PCDH15: variants seen among roughly 807,000 people sequenced by gnomAD.
PCDH15 encodes the protein protocadherin related 15.
Under a neutral mutation model 178.5 loss-of-function variants are expected in PCDH15, and 129 were observed. The ratio of observed to expected loss-of-function variants is 0.72; its 90% CI spans 0.63 to 0.84. The LOEUF is 0.84. Ranked by LOEUF, PCDH15 falls within the 40% of genes least tolerant of loss-of-function variation. The pLI is 0.00. For missense variants in PCDH15, 2,230 were observed against 2,099.9 expected, an observed-to-expected ratio of 1.06 and a Z score of -1.21; for synonymous variants, 800 against 732.0, an observed-to-expected ratio of 1.09 and a Z score of -1.50.
At chr10:55,470,472 T>C (rs1839932770) in intron 2 of PCDH15, among the ~76,000 whole-genome samples, 1 of 152,240 alleles carries the variant, frequency 6.6e-6, no homozygotes, top group Non-Finnish European at 1.5e-5. Flanking sequence ...TTTAAGTAAT[T>C]TATTATCATG....
intron 20 of PCDH15, among the ~76,000 whole-genome samples, chr10:54,011,614 G>A (rs1440618738): frequency 6.6e-6 from 1 of 152,194 alleles, no homozygotes; most frequent in Non-Finnish European, 1.5e-5. Context: ...GACTGACGAA[G>A]AGTCTACCTA....
chr10:54,303,969 A>AAACATGAAACATTTTTAAGAAAAATG (rs1264625686), intron 8 of PCDH15, among the ~76,000 whole-genome samples: 5 of 152,248 alleles, frequency 3.3e-5, no homozygotes, highest in African/African-American at 1.2e-4. Context: ...ATTTTTTAAG[A>AAACATGAAACATTTTTAAGAAAAATG]AACAAGTGCT....
chr10:55,035,321 G>A (rs903382970), intron 2 of PCDH15, among the ~76,000 whole-genome samples: 4 of 152,172 alleles, frequency 2.6e-5, no homozygotes, highest in Admixed American at 6.5e-5. Flanking sequence ...CCATTACCCT[G>A]TCCCAAATAA....
At chr10:54,125,305 C>T (rs1184439396) in intron 15 of PCDH15, among the ~76,000 whole-genome samples, 1 of 152,144 alleles carries the variant, frequency 6.6e-6, no homozygotes, top group Admixed American at 6.5e-5. Flanking sequence ...GAAAGAGAAT[C>T]AAAGCATCAG....
At chr10:54,937,784 T>G (rs1269786712) in intron 2 of PCDH15, among the ~76,000 whole-genome samples, 4 of 152,176 alleles carry the variant, frequency 2.6e-5, no homozygotes, top group Non-Finnish European at 5.9e-5. Context: ...ATCTGCAAAA[T>G]TATGTCATCT....
At chr10:54,842,186 G>A (rs1045907078) in intron 3 of PCDH15, among the ~76,000 whole-genome samples, 42 of 316 alleles carry the variant, frequency 0.13, no homozygotes, top group Admixed American at 0.33. Flanking sequence ...ATGTGTGCGT[G>A]TGTGTGTGTG....
intron 1 of PCDH15, among the ~76,000 whole-genome samples, chr10:55,232,828 C>A (rs2132200474): frequency 6.6e-6 from 1 of 152,184 alleles, no homozygotes; most frequent in African/African-American, 2.4e-5. Flanking sequence ...AATCAAGTTA[C>A]ATAAGCTCCA....
rs975469661 is a variant in PCDH15 at position 53,904,000 on chromosome 10, T to A, written c.3374-630A>T. Among the ~76,000 whole-genome samples the A allele has an allele frequency of 5.3e-5, 8 of 152,126 alleles. 1 individual carries two copies. The South Asian group carries it at 1.4e-3, about 28-fold the overall frequency. On this transcript the variant is annotated intron_variant, in intron 25 of 37. Transcript: ENST00000644397. The stretch of plus-strand genomic sequence containing the variant: ...ATGATTATGACTCATAAATGCTGCA[T>A]TTTACCATTTAAATAACAGTAAATG...
intron 2 of PCDH15, among the ~76,000 whole-genome samples, chr10:55,475,526 T>A (rs1840045310): frequency 6.6e-6 from 1 of 152,118 alleles, no homozygotes; most frequent in Non-Finnish European, 1.5e-5. Flanking sequence ...ACTTTTTGAG[T>A]CCTGGTATGA....
At chr10:54,385,714 A>G (rs952179427) in intron 3 of PCDH15, among the ~76,000 whole-genome samples, 1 of 152,196 alleles carries the variant, frequency 6.6e-6, no homozygotes, top group African/African-American at 2.4e-5. Flanking sequence ...TCTAAGTCAT[A>G]TTCCTTTTCA....
Position 54,637,780 on chromosome 10 carries a change from G to A in PCDH15, c.91+26392C>T, listed in dbSNP as rs140733755. Among the ~76,000 whole-genome samples, 15 of 152,004 alleles carry A rather than the reference G, an allele frequency of 9.9e-5. No individual in the cohort carries two copies. In the East Asian group the frequency reaches 2.9e-3, roughly 29 times the overall value. On this transcript the variant is annotated intron_variant, in intron 2 of 37. Transcript: ENST00000644397. ...GAGTTATTATTCTGTTTATCCCAAG[G>A]GGCATAAAAATTATCCAGTGTTTTT... is the stretch of plus-strand genomic sequence containing the variant.
intron 5 of PCDH15, among the ~76,000 whole-genome samples, chr10:54,358,176 A>G (rs1945353039): frequency 6.7e-6 from 1 of 148,716 alleles, no homozygotes; most frequent in South Asian, 2.1e-4. Context: ...GGATCTAATT[A>G]AACTAAAGAG....
At chr10:55,576,002 C>A (rs1329929569) in intron 2 of PCDH15, among the ~76,000 whole-genome samples, 1 of 152,134 alleles carries the variant, frequency 6.6e-6, no homozygotes, top group African/African-American at 2.4e-5. Flanking sequence ...CACTTTCACT[C>A]TATTCACCAC....
At position 54,329,626 on chromosome 10, in the gene PCDH15, C is replaced by T. The variant is rs1403705158; in HGVS notation, c.675G>A (p.Lys225=). The change falls in exon 7 of 38, where the codon AAG becomes AAA. Residue 225 remains lysine, a synonymous_variant. Transcript: ENST00000644397. ...CTTGGATTATGACAAAGTAGCGAGT[C>T]TTATCTTCATAGTTGAGCCTCTTCC... ...VLRKRLNYED[K]TRYFVIIQAN... 5 of 1,604,898 alleles carry T rather than the reference C, an allele frequency of 3.1e-6. No homozygotes were observed. The East Asian group carries it at 8.9e-5, about 29-fold the overall frequency.
At chr10:55,509,616 A>C (rs2132149700) in intron 2 of PCDH15, among the ~76,000 whole-genome samples, 1 of 152,048 alleles carries the variant, frequency 6.6e-6, no homozygotes, top group South Asian at 2.1e-4. Flanking sequence ...AGAACAATTT[A>C]CACAAATGTT....
chr10:54,629,488 GAATAACC>G (rs1237540021), intron 2 of PCDH15, among the ~76,000 whole-genome samples: 1 of 151,960 alleles, frequency 6.6e-6, no homozygotes, highest in African/African-American at 2.4e-5. Flanking sequence ...AAACAAAACT[GAATAACC>G]ATATCATTAT....
intron 2 of PCDH15, among the ~76,000 whole-genome samples, chr10:55,449,785 G>A (rs965871675): frequency 1.3e-5 from 2 of 151,994 alleles, no homozygotes; most frequent in South Asian, 2.1e-4. Flanking sequence ...AGGTGAATAC[G>A]AGAACCCTTG....
chr10:55,487,413 C>G (rs1840319090), intron 2 of PCDH15, among the ~76,000 whole-genome samples: 1 of 151,680 alleles, frequency 6.6e-6, no homozygotes, highest in African/African-American at 2.4e-5. Context: ...AAAACTCTCG[C>G]ACATCCATTT....
At position 54,023,122 on chromosome 10, in the gene PCDH15, T is replaced by C. The variant is rs1355286692; in HGVS notation, c.2296A>G (p.Thr766Ala). 1.2e-6 allele frequency: 2 copies of C among 1,613,922 alleles called. No homozygotes were observed. Among genetic ancestry groups the C allele is most frequent in the South Asian group, 1.1e-5 (1 of 91,086 alleles). Residue 766 changes from threonine (T) to alanine (A), a missense_variant, in exon 19 of 38, where the codon ACA becomes GCA. Physicochemically the swap from Thr to Ala is moderately conservative, Grantham distance 58. Transcript: ENST00000644397. ...GCTGTGTAAATGCTCCCATTGGATG[T>C]GATACGAAAAAGATTATTAAAGTTA... ...LGNFNNLFRI[T>A]SNGSIYTAVK...
Sources: allele counts gnomAD v4.1 joint callset (sites outside exome capture counted in the v4.1 genomes callset), GRCh38; gene constraint gnomAD v4.1.1; transcripts MANE v1.5; gene names NCBI Gene and HGNC (gene_info 2026-07-23, HGNC 2026-07-21).